Variants in RAD50 observed in about 807,000 individuals in gnomAD.
RAD50 encodes RAD50 double strand break repair protein.
Under a neutral mutation model 168.8 loss-of-function variants are expected in RAD50, and 132 were observed. That is an observed-to-expected ratio of 0.78 (90% CI 0.68 to 0.90). The LOEUF (loss-of-function observed/expected upper bound fraction) is 0.90, where lower values mean the gene tolerates loss of function less well. RAD50 is among the 40% of genes least tolerant of loss of function. RAD50 has a pLI of 0.00. For synonymous variants in RAD50, 525 were observed against 497.4 expected (o/e 1.06, Z -0.74); for missense variants, 1,347 against 1,534.4 (o/e 0.88, Z 2.04).
chr5:132,604,141 G>A (rs938966205), intron 15 of RAD50, 95 bp downstream of exon 15: 30 of 1,458,260 alleles, frequency 2.1e-5, no homozygotes, highest in Non-Finnish European at 2.8e-5. Flanking sequence ...CATGGACAAC[G>A]AAGTTCCTTC....
At chr5:132,573,452 C>G (rs905590383) in intron 2 of RAD50, among the ~76,000 whole-genome samples, 3 of 152,052 alleles carry the variant, frequency 2.0e-5, no homozygotes, top group Non-Finnish European at 2.9e-5. Context: ...GACCTGCCCC[C>G]GTGATTCAAT....
At chr5:132,600,460 A>C (rs919337765) in intron 13 of RAD50, among the ~76,000 whole-genome samples, 2 of 152,214 alleles carry the variant, frequency 1.3e-5, no homozygotes, top group African/African-American at 4.8e-5. Context: ...GTTGTGGAAG[A>C]TGAGCTCAGA....
intron 16 of RAD50, among the ~76,000 whole-genome samples, chr5:132,606,422 G>A (rs544164773): frequency 6.6e-6 from 1 of 152,248 alleles, no homozygotes; most frequent in South Asian, 2.1e-4. Context: ...AATCCAGGAA[G>A]AAGTCAAATC....
intron 15 of RAD50, among the ~76,000 whole-genome samples, chr5:132,604,495 G>A (rs1750946255): frequency 6.6e-6 from 1 of 152,082 alleles, no homozygotes; most frequent in African/African-American, 2.4e-5. Context: ...TCGAACTCCT[G>A]ACCTCAGGTG....
intron 1 of RAD50, among the ~76,000 whole-genome samples, chr5:132,559,058 T>C (rs2149831141): frequency 6.6e-6 from 1 of 152,370 alleles, no homozygotes; most frequent in East Asian, 1.9e-4. Context: ...AATTATTTTT[T>C]TCCCAAGTAA....
At chr5:132,611,567 C>A (rs1000388343) in intron 19 of RAD50, among the ~76,000 whole-genome samples, 4 of 142,110 alleles carry the variant, frequency 2.8e-5, no homozygotes, top group African/African-American at 1.0e-4. Context: ...TTAGCCAGGC[C>A]TGGTGGTGGG....
At position 132,588,615 on chromosome 5, in the gene RAD50, C is replaced by T. The variant is rs950659288; in HGVS notation, c.1052-72C>T. On this transcript the variant is annotated intron_variant, in intron 7 of 24. Transcript: ENST00000378823. Reference sequence around the variant, plus strand: ...ACACACTGCATTATTTTTTATAACTCGTGAATCTGCAGCTATCTCAACTTT... The same window carrying T: ...ACACACTGCATTATTTTTTATAACTTGTGAATCTGCAGCTATCTCAACTTT... 8.6e-6 allele frequency: 12 copies of T among 1,402,250 alleles called. No individual in the cohort carries two copies. The East Asian group carries it at 1.7e-4, about 20-fold the overall frequency. The allele number at this position is 1,402,250 out of a possible 1,614,324, so 86.9% of individuals were successfully genotyped here.
In RAD50 at chr5:132,559,297, G is replaced by A. The variant is rs1442006994; in HGVS notation, c.143G>A (p.Cys48Tyr). Residue 48 changes from cysteine (C) to tyrosine (Y), a missense_variant, in exon 2 of 25, where the codon TGT becomes TAT. Cys to Tyr is a radical substitution (Grantham distance 194). This residue lies in a region of RAD50 where 703 missense variants were observed against 767.7 expected (regional missense o/e 0.92). Coordinates refer to ENST00000378823, the MANE Select transcript of RAD50 (RefSeq NM_005732.4). ...NGAGKTTIIE[C>Y]LKYICTGDFP... ...CTATTTCTTTAGACCATCATTGAAT[G>A]TCTAAAATATATTTGTACTGGAGAT... 1.9e-6 allele frequency: 3 copies of A among 1,605,570 alleles called. No individual in the cohort carries two copies. The highest frequency in any genetic ancestry group is 2.3e-5 in the South Asian group (2 of 88,662).
chr5:132,590,252 G>T (rs948182014), intron 9 of RAD50, among the ~76,000 whole-genome samples: 1 of 152,088 alleles, frequency 6.6e-6, no homozygotes, highest in African/African-American at 2.4e-5. Flanking sequence ...GGCAGATAAC[G>T]TGAGGTCAGG....
At chr5:132,620,867 GA>G (rs1171073728) in intron 21 of RAD50, among the ~76,000 whole-genome samples, 2 of 152,010 alleles carry the variant, frequency 1.3e-5, no homozygotes, top group African/African-American at 2.4e-5. Context: ...CTGGAGACAA[GA>G]AAAAATTATA....
chr5:132,642,562 A>G lies in RAD50; in HGVS notation c.*198A>G. The G allele has an allele frequency of 4.8e-6, 3 of 621,534 alleles. No individual in the cohort carries two copies. In the South Asian group the frequency reaches 6.0e-5, roughly 12 times the overall value. The allele number at this position is 621,534 out of a possible 1,614,324, so 38.5% of individuals were successfully genotyped here. A position where few individuals can be genotyped will look rare whatever the true frequency, so the allele number is the denominator to read the frequency against. On this transcript the variant is annotated 3_prime_UTR_variant, in exon 25 of 25. Transcript: ENST00000378823. ...AAATTGGACAGATTGCCTGTTTCTGATTTGCTGCTCTTCATCCCATTCCAG... is the reference window on the plus strand; with the variant it reads ...AAATTGGACAGATTGCCTGTTTCTGGTTTGCTGCTCTTCATCCCATTCCAG...
Position 132,591,223 on chromosome 5 carries a change from G to A in RAD50, c.1453-1G>A. On this transcript the variant is annotated splice_acceptor_variant, in intron 9 of 24. Coordinates refer to ENST00000378823, the MANE Select transcript of RAD50 (RefSeq NM_005732.4). LOFTEE classifies it high-confidence loss of function. The stretch of plus-strand genomic sequence containing the variant: ...TTGCATTTGTATGAATTATTGACTA[G>A]GAACGTGAGTTAAGCAAGGCTGAGA... The A allele has an allele frequency of 6.2e-7, 1 of 1,604,930 alleles. No homozygotes were observed.
At chr5:132,634,539 T>A (rs1480560687) in intron 21 of RAD50, among the ~76,000 whole-genome samples, 2 of 152,140 alleles carry the variant, frequency 1.3e-5, no homozygotes, top group Non-Finnish European at 2.9e-5. Flanking sequence ...CTCATTTCTT[T>A]TTAGGTAGGG....
intron 19 of RAD50, among the ~76,000 whole-genome samples, chr5:132,613,586 A>G (rs997922092): frequency 6.8e-6 from 1 of 147,892 alleles, no homozygotes; most frequent in African/African-American, 2.5e-5. Context: ...TTTAATCTTC[A>G]CAATAGTCTT....
At chr5:132,597,279 C>T (rs1196104656) in intron 13 of RAD50, among the ~76,000 whole-genome samples, 2 of 152,054 alleles carry the variant, frequency 1.3e-5, no homozygotes, top group African/African-American at 2.4e-5. Context: ...TAAGATGGTC[C>T]CTAGTAATCT....
intron 2 of RAD50, 82 bp downstream of exon 2, chr5:132,559,449 C>CTTAT: frequency 7.1e-7 from 1 of 1,408,922 alleles, no homozygotes; most frequent in Non-Finnish European, 9.7e-7. Flanking sequence ...CACTGGAAAA[C>CTTAT]TATAAAGAGA....
At chr5:132,640,858 C>G in intron 24 of RAD50, 53 bp downstream of exon 24, 1 of 1,610,816 alleles carries the variant, frequency 6.2e-7, no homozygotes, top group Non-Finnish European at 8.5e-7. Context: ...CATTTGGGGA[C>G]AGGTTGTGAT....
chr5:132,575,373 T>C (rs772114583), intron 2 of RAD50, among the ~76,000 whole-genome samples: 2 of 152,188 alleles, frequency 1.3e-5, no homozygotes, highest in Non-Finnish European at 2.9e-5. Flanking sequence ...GTCCCCATGA[T>C]TCAATTACCT....
In RAD50 at chr5:132,591,402, A is replaced by G. The variant is rs754840961; in HGVS notation, c.1631A>G (p.Asp544Gly). The part of the protein sequence containing the change: ...TRTQMEMLTK[D>G]KADKDEQIRK... ...ACCCAAATGGAGATGCTGACCAAAG[A>G]CAAAGTATGATTTTTCTTTTTGTTC... Residue 544 changes from aspartate (D) to glycine (G), a missense_variant, in exon 10 of 25, where the codon GAC becomes GGC. Around this residue, in one of 3 missense-constraint regions of RAD50, gnomAD observed 703 missense variants for 767.7 expected, o/e 0.92. Coordinates refer to ENST00000378823, the MANE Select transcript of RAD50 (RefSeq NM_005732.4). 4 of 1,612,900 alleles carry G rather than the reference A, an allele frequency of 2.5e-6. No homozygotes were observed. Among genetic ancestry groups the G allele is most frequent in the Non-Finnish European group, 3.4e-6 (4 of 1,179,134 alleles).
Sources: allele counts gnomAD v4.1 joint callset (sites outside exome capture counted in the v4.1 genomes callset), GRCh38; gene constraint gnomAD v4.1.1; regional missense constraint gnomAD v4.1.1; transcripts MANE v1.5; gene names NCBI Gene and HGNC (gene_info 2026-07-23, HGNC 2026-07-21).